The following DNAJC5B variants were observed in gnomAD, a reference collection of about 807,000 sequenced individuals.
DNAJC5B encodes the protein dnaJ homolog subfamily C member 5B.
DNAJC5B carries 23 observed loss-of-function variants against 24.7 expected under a neutral mutation model. The ratio of observed to expected loss-of-function variants is 0.93; its 90% CI spans 0.67 to 1.32. DNAJC5B has a LOEUF of 1.32. Among genes scored for constraint, DNAJC5B ranks in the 40% most tolerant of loss-of-function variants. The pLI, the probability that DNAJC5B is intolerant of heterozygous loss-of-function variation, is 0.00. For synonymous variants in DNAJC5B, 101 were observed against 90.1 expected, an observed-to-expected ratio of 1.12 and a Z score of -0.68; for missense variants, 238 against 240.8, an observed-to-expected ratio of 0.99 and a Z score of 0.08.
Position 66,076,550 on chromosome 8 carries a change from A to C in DNAJC5B, c.120-110A>C. On this transcript the variant is annotated intron_variant, in intron 3 of 5. Coordinates refer to ENST00000276570, the MANE Select transcript of DNAJC5B (RefSeq NM_033105.6). ...CCGCTAGTCTGAAACTCACCATTTCACAGTATTTGCGCTAATAAAGAATAT... is the reference window on the plus strand; with the variant it reads ...CCGCTAGTCTGAAACTCACCATTTCCCAGTATTTGCGCTAATAAAGAATAT... 3.5e-6 allele frequency: 4 copies of C among 1,147,530 alleles called. No individual in the cohort carries two copies. The South Asian group carries it at 4.2e-5, about 12-fold the overall frequency. The allele number at this position is 1,147,530 out of a possible 1,614,324, so 71.1% of individuals were successfully genotyped here.
At chr8:66,052,909 C>CTTGT (rs766355647) in intron 3 of DNAJC5B, among the ~76,000 whole-genome samples, 4 of 151,864 alleles carry the variant, frequency 2.6e-5, no homozygotes, top group Non-Finnish European at 5.9e-5. Flanking sequence ...CAAGAGAGTG[C>CTTGT]TTGTTTGTTT....
At chr8:66,086,826 T>C (rs1431969334) in intron 5 of DNAJC5B, among the ~76,000 whole-genome samples, 1 of 152,196 alleles carries the variant, frequency 6.6e-6, no homozygotes, top group East Asian at 1.9e-4. Flanking sequence ...TAAGGAAATA[T>C]GGTTAGCAGT....
chr8:66,070,478 C>A (rs1382768536), intron 3 of DNAJC5B, among the ~76,000 whole-genome samples: 3 of 152,156 alleles, frequency 2.0e-5, no homozygotes, highest in Non-Finnish European at 4.4e-5. Flanking sequence ...AAATAAAATA[C>A]CTAGGAATCC....
chr8:66,088,444 C>T (rs1179625856), intron 5 of DNAJC5B, among the ~76,000 whole-genome samples: 2 of 152,162 alleles, frequency 1.3e-5, no homozygotes, highest in Non-Finnish European at 2.9e-5. Context: ...TTCAGCTTCT[C>T]GTTACTTATG....
chr8:66,020,591 A>C (rs1326668763), upstream of DNAJC5B, among the ~76,000 whole-genome samples: 3 of 137,420 alleles, frequency 2.2e-5, no homozygotes, highest in African/African-American at 5.4e-5. Flanking sequence ...TGTAATCAAT[A>C]CTCTGTGTGT....
chr8:66,070,977 G>A (rs572779364), intron 3 of DNAJC5B, among the ~76,000 whole-genome samples: 3 of 152,272 alleles, frequency 2.0e-5, no homozygotes, highest in Admixed American at 2.0e-4. Flanking sequence ...AATAAATCGT[G>A]TTGGGAAAAC....
chr8:66,043,997 A>G (rs117172636), intron 2 of DNAJC5B, among the ~76,000 whole-genome samples: 1,631 of 151,588 alleles, frequency 0.011, 16 homozygotes, highest in East Asian at 0.03. Flanking sequence ...TAATTTTTGT[A>G]CTTTTAGTAG....
chr8:66,045,476 G>C (rs2128958780), intron 2 of DNAJC5B, among the ~76,000 whole-genome samples: 1 of 152,168 alleles, frequency 6.6e-6, no homozygotes, highest in East Asian at 1.9e-4. Context: ...GTGATGATTG[G>C]AAAAAACATT....
chr8:66,056,195 A>G (rs75645954), intron 3 of DNAJC5B, among the ~76,000 whole-genome samples: 11,971 of 152,100 alleles, frequency 0.079, 743 homozygotes, highest in African/African-American at 0.16. Flanking sequence ...GCTTTTCCCA[A>G]TACCCAATCT....
chr8:66,071,732 TA>T (rs1367448852), intron 3 of DNAJC5B, among the ~76,000 whole-genome samples: 1 of 152,156 alleles, frequency 6.6e-6, no homozygotes, highest in African/African-American at 2.4e-5. Context: ...ATCATTCTAC[TA>T]TAAAGACACA....
intron 3 of DNAJC5B, among the ~76,000 whole-genome samples, chr8:66,052,826 G>A (rs1484442822): frequency 6.6e-6 from 1 of 152,192 alleles, no homozygotes; most frequent in Admixed American, 6.5e-5. Flanking sequence ...TTGGCTAGTT[G>A]GAGGAAGAAA....
chr8:66,046,690 G>A (rs748576571), intron 2 of DNAJC5B, among the ~76,000 whole-genome samples: 1 of 152,208 alleles, frequency 6.6e-6, no homozygotes, highest in East Asian at 1.9e-4. Context: ...GCCCCTCGGG[G>A]GCTACAGGCT....
intron 1 of DNAJC5B, among the ~76,000 whole-genome samples, chr8:66,034,962 T>G (rs1806449889): frequency 6.6e-6 from 1 of 152,218 alleles, no homozygotes; most frequent in Admixed American, 6.5e-5. Flanking sequence ...GGTCATCTTG[T>G]CCTCAATAAT....
chr8:66,074,388 A>C (rs1212550318), intron 3 of DNAJC5B, among the ~76,000 whole-genome samples: 3 of 152,236 alleles, frequency 2.0e-5, no homozygotes, highest in Non-Finnish European at 4.4e-5. Flanking sequence ...TGAGGGCTTT[A>C]GATAATTATA....
intron 1 of DNAJC5B, among the ~76,000 whole-genome samples, chr8:66,037,081 G>A (rs1017823366): frequency 2.0e-5 from 3 of 152,174 alleles, no homozygotes; most frequent in Admixed American, 1.3e-4. Flanking sequence ...AGCATCTGGA[G>A]GTGAGGCCTG....
intron 3 of DNAJC5B, among the ~76,000 whole-genome samples, chr8:66,055,998 G>T (rs972634227): frequency 6.6e-6 from 1 of 152,236 alleles, no homozygotes; most frequent in South Asian, 2.1e-4. Flanking sequence ...GTCTAAGAAA[G>T]ATGATGTAGA....
intron 5 of DNAJC5B, 141 bp downstream of exon 5, chr8:66,080,689 T>C: frequency 1.4e-6 from 1 of 706,756 alleles, no homozygotes; most frequent in South Asian, 2.1e-5. Flanking sequence ...TCAGCTTTGG[T>C]ACAGCTTCTG....
At chr8:66,058,592 GA>G (rs1415841101) in intron 3 of DNAJC5B, among the ~76,000 whole-genome samples, 1 of 152,232 alleles carries the variant, frequency 6.6e-6, no homozygotes, top group Non-Finnish European at 1.5e-5. Context: ...AGTTGGGAAA[GA>G]AATTTTCAGT....
chr8:66,036,329 C>T (rs541056339), intron 1 of DNAJC5B, among the ~76,000 whole-genome samples: 13 of 152,166 alleles, frequency 8.5e-5, no homozygotes, highest in Admixed American at 2.6e-4. Context: ...AGCTGAACAG[C>T]GAATGGAGTG....
Sources: gnomAD v4.1 joint callset for allele counts (sites outside exome capture counted in the v4.1 genomes callset) on GRCh38, gnomAD v4.1.1 for gene constraint, MANE v1.5 for transcripts, NCBI Gene and HGNC (gene_info 2026-07-23, HGNC 2026-07-21) for gene names.